The following KIF23 variants were observed in gnomAD, a reference collection of about 807,000 sequenced individuals.
KIF23 encodes kinesin family member 23, also known as kinesin-like protein KIF23.
A neutral mutation model predicts 137.5 loss-of-function variants in KIF23; 30 were observed. The observed-to-expected ratio is 0.22, with a 90% CI of 0.16 to 0.30. KIF23 has a LOEUF of 0.30. Ranked by LOEUF, KIF23 falls within the 10% of genes least tolerant of loss-of-function variation. The pLI is 1.00. For synonymous variants in KIF23, 367 were observed against 391.1 expected (o/e 0.94, Z 0.73); for missense variants, 920 against 1,194.3 (o/e 0.77, Z 3.38).
At chr15:69,436,306 G>A (rs769433041) in intron 14 of KIF23, 45 bp downstream of exon 14, 1 of 1,564,648 alleles carries the variant, frequency 6.4e-7, no homozygotes, top group South Asian at 1.2e-5. Flanking sequence ...TGGTCTGTCT[G>A]TTTCTCTCTT....
At position 69,436,637 on chromosome 15, in the gene KIF23, T is replaced by C. The variant is rs61750334; in HGVS notation, c.1512T>C (p.Asp504=). The change falls in exon 15 of 24, where the codon GAT becomes GAC. Residue 504 remains aspartate (D), a synonymous_variant. Transcript: ENST00000679126. The part of the protein sequence containing the change: ...LPSCEILDIN[D]EQTLPRLIEA... ...CATGCGAAATTTTGGATATCAACGA[T>C]GAGCAGACACTTCCAAGGCTGATTG... 4.0e-4 allele frequency: 642 copies of C among 1,612,512 alleles called. No individual in the cohort carries two copies. In the Middle Eastern group the frequency reaches 4.6e-3, roughly 12 times the overall value.
chr15:69,414,514 CG>C (rs2056836697), intron 1 of KIF23, 38 bp downstream of exon 1: 2 of 1,524,446 alleles, frequency 1.3e-6, no homozygotes, highest in Non-Finnish European at 8.8e-7. Context: ...AGAGGGCGGA[CG>C]GGGGCCGAGG....
rs375298563 is a variant in KIF23, at chr15:69,445,864, C to T, written c.2674-145C>T. The T allele has an allele frequency of 5.4e-5, 34 of 626,340 alleles. No individual in the cohort carries two copies. In the Middle Eastern group the frequency reaches 2.2e-3, roughly 40 times the overall value. 38.8% of individuals were successfully genotyped at this position (626,340 alleles called of 1,614,324 possible). On this transcript the variant is annotated intron_variant, in intron 20 of 23. Transcript: ENST00000679126. Reference sequence around the variant, plus strand: ...AAATTTCTAAATTATTTTGATAGTACGTACTCAGCAAGTACCAAGTACCAT... The same window carrying T: ...AAATTTCTAAATTATTTTGATAGTATGTACTCAGCAAGTACCAAGTACCAT...
intron 11 of KIF23, chr15:69,434,847 G>T: frequency 1.2e-6 from 1 of 827,718 alleles, no homozygotes; most frequent in Non-Finnish European, 2.0e-6. Context: ...CAGGCACAGG[G>T]CATAGCTGCT....
chr15:69,440,702 A>G (rs2057594952), intron 18 of KIF23, 66 bp from the exon 19 acceptor site: 2 of 1,361,120 alleles, frequency 1.5e-6, no homozygotes, highest in Non-Finnish European at 2.0e-6. Context: ...AACATTATAG[A>G]AAAGTAATGA....
chr15:69,435,089 C>T (rs548081485), intron 11 of KIF23: 16 of 490,158 alleles, frequency 3.3e-5, no homozygotes, highest in Admixed American at 1.7e-4. Flanking sequence ...CCCCCAGAAG[C>T]GGGACGGTGG....
Position 69,426,320 on chromosome 15 carries a change from T to G in KIF23, c.890-16T>G. 6.2e-7 allele frequency: 1 copy of G among 1,613,252 alleles called. No individual in the cohort carries two copies. The highest frequency in any genetic ancestry group is 1.7e-4 in the Middle Eastern group (1 of 6,060). ...ACTGAGTTCAGGTTTGACCAATGAT[T>G]TCTCTGTTGTCCTAGGCCAGAAAAA... On this transcript the variant is annotated splice_polypyrimidine_tract_variant and intron_variant, in intron 9 of 23. Coordinates refer to ENST00000679126, the MANE Select transcript of KIF23 (RefSeq NM_001367805.3).
At chr15:69,432,020 G>C (rs1249038823) in intron 11 of KIF23, among the ~76,000 whole-genome samples, 1 of 152,128 alleles carries the variant, frequency 6.6e-6, no homozygotes, top group Non-Finnish European at 1.5e-5. Context: ...TTACCTACTA[G>C]GTGTTCATAA....
chr15:69,417,559 T>C, intron 3 of KIF23, 48 bp downstream of exon 3: 2 of 1,573,328 alleles, frequency 1.3e-6, no homozygotes, highest in Non-Finnish European at 1.7e-6. Flanking sequence ...TGTTGTTTCC[T>C]GAATGACTTC....
At chr15:69,445,953 G>T in intron 20 of KIF23, 56 bp from the exon 21 acceptor site, 1 of 1,165,340 alleles carries the variant, frequency 8.6e-7, no homozygotes. Context: ...ATATATATGT[G>T]TGTTTTTCGT....
chr15:69,441,680 C>T (rs1178144730), intron 19 of KIF23, among the ~76,000 whole-genome samples: 1 of 127,916 alleles, frequency 7.8e-6, no homozygotes, highest in East Asian at 2.2e-4. Flanking sequence ...TACTACCTAG[C>T]CACAATCTTT....
At position 69,447,561 on chromosome 15, in the gene KIF23, A is replaced by G. The variant is rs188041705; in HGVS notation, c.2910-231A>G. 2.5e-3 allele frequency among the ~76,000 whole-genome samples: 381 copies of G among 152,310 alleles called. 1 individual carries two copies. Among genetic ancestry groups the G allele is most frequent in the African/African-American group, 8.8e-3 (366 of 41,562 alleles). The stretch of plus-strand genomic sequence containing the variant: ...TGTATATAACATTTTAAACATTTAC[A>G]TACCTTACTGAGCAATTTAGAAAAT... On this transcript the variant is annotated intron_variant, in intron 23 of 23. Coordinates refer to ENST00000679126, the MANE Select transcript of KIF23 (RefSeq NM_001367805.3).
rs1452478641 is a variant in KIF23, at chr15:69,439,973, A to G, written c.1825A>G (p.Thr609Ala). The G allele has an allele frequency of 6.2e-7, 1 of 1,613,944 alleles. No individual in the cohort carries two copies. The highest frequency in any genetic ancestry group is 8.5e-7 in the Non-Finnish European group (1 of 1,180,010). The change falls in exon 17 of 24, where the codon ACT becomes GCT. Residue 609 changes from threonine to alanine, a missense_variant. By Grantham distance (58) the Thr-to-Ala change is moderately conservative (BLOSUM62 0). Around this residue, in one of 4 missense-constraint regions of KIF23, gnomAD observed 714 missense variants for 866.2 expected, o/e 0.82. Coordinates refer to ENST00000679126, the MANE Select transcript of KIF23 (RefSeq NM_001367805.3). ...ACGCAATTTGCAACAGGAACTTGAA[A>G]CTCAGAACCAGAAACTTCAGCGACA... ...DKRNLQQELETQNQKLQRQFS... is the reference protein window; with the variant it reads ...DKRNLQQELEAQNQKLQRQFS...
chr15:69,427,713 T>C (rs1277831476), intron 10 of KIF23, among the ~76,000 whole-genome samples: 1 of 152,196 alleles, frequency 6.6e-6, no homozygotes, highest in East Asian at 1.9e-4. Flanking sequence ...GTATACATAA[T>C]CTAATAACTG....
In KIF23 at chr15:69,444,682, T is replaced by G; in HGVS notation, c.2422-108T>G. On this transcript the variant is annotated intron_variant, in intron 19 of 23. Coordinates refer to ENST00000679126, the MANE Select transcript of KIF23 (RefSeq NM_001367805.3). The surrounding 1 kb of genome is among the most constrained non-coding windows in gnomAD (Gnocchi z 4.2). ...TGTTTAAATTACTTGAATAAAATAT[T>G]TAGCTTTGGAAAGGTTTGCTATGAT... is the stretch of plus-strand genomic sequence containing the variant. 4.6e-6 allele frequency: 5 copies of G among 1,091,874 alleles called. No individual in the cohort carries two copies. The highest frequency in any genetic ancestry group is 6.5e-6 in the Non-Finnish European group (5 of 772,610). The allele number at this position is 1,091,874 out of a possible 1,614,324, so 67.6% of individuals were successfully genotyped here.
In KIF23 at chr15:69,414,401, C is replaced by T. The variant is rs1186753571; in HGVS notation, c.-65C>T. ...TTCTAGTTCTTGCTGCCGGTCCTAA[C>T]GTCCCGCAGTCTTCGCCAGCCAGCC... On this transcript the variant is annotated 5_prime_UTR_variant, in exon 1 of 24. It adds an upstream start codon to the 5' untranslated region. Transcript: ENST00000679126. 5.1e-6 allele frequency: 8 copies of T among 1,556,598 alleles called. No individual in the cohort carries two copies. Among genetic ancestry groups the T allele is most frequent in the South Asian group, 2.4e-5 (2 of 83,998 alleles).
At chr15:69,435,383 C>T in intron 11 of KIF23, 100 bp from the exon 12 acceptor site, 1 of 865,408 alleles carries the variant, frequency 1.2e-6, no homozygotes, top group Non-Finnish European at 1.8e-6. Flanking sequence ...TAATTTCTAT[C>T]TAGTAGTTGT....
chr15:69,415,616 A>G (rs1378484445), intron 1 of KIF23, among the ~76,000 whole-genome samples: 1 of 152,196 alleles, frequency 6.6e-6, no homozygotes, highest in Non-Finnish European at 1.5e-5. Flanking sequence ...GGTTTCCTCC[A>G]TGTGCATTTT....
At chr15:69,419,690 C>T (rs939916225) in intron 3 of KIF23, among the ~76,000 whole-genome samples, 8 of 152,152 alleles carry the variant, frequency 5.3e-5, no homozygotes, top group Non-Finnish European at 1.0e-4. Context: ...TTTCCTCTAC[C>T]ATAATGTAAA....
Sources: gnomAD v4.1 joint callset for allele counts (sites outside exome capture counted in the v4.1 genomes callset) on GRCh38, gnomAD v4.1.1 for gene constraint, gnomAD v4.1.1 regional missense constraint, Gnocchi (gnomAD v3.1) non-coding constraint, MANE v1.5 for transcripts, NCBI Gene and HGNC (gene_info 2026-07-23, HGNC 2026-07-21) for gene names.